The following COLEC10 variants were observed in gnomAD, a reference collection of about 807,000 sequenced individuals.
COLEC10 encodes the protein collectin-10.
In COLEC10, 22 loss-of-function variants were observed where a neutral mutation model predicts 28.4. The ratio of observed to expected loss-of-function variants is 0.78; its 90% CI spans 0.55 to 1.11. COLEC10 has a LOEUF of 1.11. COLEC10 is among the 50% of genes least tolerant of loss of function. The probability of loss-of-function intolerance (pLI) is 0.00; values close to 1 mark genes in which losing one functional copy is unlikely to be tolerated. For synonymous variants in COLEC10, 125 were observed against 116.1 expected, an observed-to-expected ratio of 1.08 and a Z score of -0.49; for missense variants, 361 against 344.1, an observed-to-expected ratio of 1.05 and a Z score of -0.39.
At chr8:119,053,059 G>T (rs1253674036) in intron 2 of COLEC10, among the ~76,000 whole-genome samples, 1 of 152,084 alleles carries the variant, frequency 6.6e-6, no homozygotes, top group East Asian at 1.9e-4. Context: ...ATTCTGATGA[G>T]CAGGAATGCC....
At chr8:119,019,179 C>T (rs1027999850) in intron 2 of COLEC10, among the ~76,000 whole-genome samples, 4 of 152,164 alleles carry the variant, frequency 2.6e-5, no homozygotes, top group Non-Finnish European at 5.9e-5. Context: ...TATGCTTGCA[C>T]ACTGTGACTC....
Position 119,106,237 on chromosome 8 carries a change from C to T in COLEC10, c.*46C>T. 6.5e-7 allele frequency: 1 copy of T among 1,537,094 alleles called. No individual in the cohort carries two copies. Among genetic ancestry groups the T allele is most frequent in the African/African-American group, 1.4e-5 (1 of 72,638 alleles). On this transcript the variant is annotated 3_prime_UTR_variant, in exon 6 of 6. Transcript: ENST00000332843. ...TGCTATTTTCCTGTGACCGTCATTA[C>T]AGTTATTGTTATCCATCCTTTTTTT...
intron 1 of COLEC10, among the ~76,000 whole-genome samples, chr8:119,085,609 T>C (rs1213061937): frequency 1.9e-4 from 20 of 104,024 alleles, no homozygotes; most frequent in Middle Eastern, 5.0e-3. Context: ...CTTTTTTTTT[T>C]TTTTTTTTTT....
At chr8:119,105,299 A>G (rs551491465) in intron 5 of COLEC10, among the ~76,000 whole-genome samples, 3 of 152,148 alleles carry the variant, frequency 2.0e-5, no homozygotes, top group Non-Finnish European at 4.4e-5. Context: ...GGGCAATGGA[A>G]ACTCGGGAGA....
chr8:118,993,337 TG>T (rs1813536039), upstream of COLEC10, among the ~76,000 whole-genome samples: 1 of 152,058 alleles, frequency 6.6e-6, no homozygotes, highest in Non-Finnish European at 1.5e-5. Context: ...TCTTGTTTTT[TG>T]TTTGTTTGTT....
intron 3 of COLEC10, among the ~76,000 whole-genome samples, chr8:119,092,712 C>A (rs183384430): frequency 6.6e-4 from 101 of 152,084 alleles, no homozygotes; most frequent in African/African-American, 2.3e-3. Flanking sequence ...TTGAGACAAG[C>A]CTGGCCAAGA....
chr8:118,980,792 T>C, the COLEC10 span, among the ~76,000 whole-genome samples: 3 of 152,078 alleles, frequency 2.0e-5, no homozygotes, highest in Non-Finnish European at 4.4e-5. Context: ...AGAAGTTTCA[T>C]TTGTAGTTTA....
At chr8:119,056,968 T>C (rs149045457) in intron 2 of COLEC10, among the ~76,000 whole-genome samples, 1 of 152,180 alleles carries the variant, frequency 6.6e-6, no homozygotes, top group East Asian at 1.9e-4. Flanking sequence ...GACTTAAATG[T>C]GCTATTCTGT....
the COLEC10 span, among the ~76,000 whole-genome samples, chr8:118,968,968 G>A: frequency 6.6e-6 from 1 of 150,614 alleles, no homozygotes; most frequent in Non-Finnish European, 1.5e-5. Flanking sequence ...GAAACCGTGA[G>A]TGTGTTAACT....
At chr8:119,021,720 C>T (rs1377860349) in intron 2 of COLEC10, among the ~76,000 whole-genome samples, 1 of 152,124 alleles carries the variant, frequency 6.6e-6, no homozygotes, top group Non-Finnish European at 1.5e-5. Flanking sequence ...TCAACTCCAA[C>T]AAGAAGAAAC....
intron 2 of COLEC10, among the ~76,000 whole-genome samples, chr8:119,021,205 T>C (rs1814085353): frequency 6.6e-6 from 1 of 152,160 alleles, no homozygotes; most frequent in South Asian, 2.1e-4. Flanking sequence ...GTTAGCTCCA[T>C]TTATATTATT....
At chr8:118,973,728 G>C in the COLEC10 span, among the ~76,000 whole-genome samples, 1 of 151,982 alleles carries the variant, frequency 6.6e-6, no homozygotes. Context: ...AGGAATCATT[G>C]AGAAGTTCCT....
the COLEC10 span, among the ~76,000 whole-genome samples, chr8:118,978,782 C>T: frequency 6.6e-6 from 1 of 151,982 alleles, no homozygotes; most frequent in Non-Finnish European, 1.5e-5. Context: ...AATTTACCCT[C>T]CCACCAACAG....
the COLEC10 span, among the ~76,000 whole-genome samples, chr8:118,986,805 G>GT: frequency 5.3e-5 from 8 of 152,244 alleles, no homozygotes; most frequent in East Asian, 7.7e-4. Flanking sequence ...CATACATATT[G>GT]TATGATTCAA....
At chr8:119,069,484 G>A (rs1815045283) in intron 1 of COLEC10, among the ~76,000 whole-genome samples, 1 of 149,418 alleles carries the variant, frequency 6.7e-6, no homozygotes, top group South Asian at 2.1e-4. Context: ...GTGCACACCT[G>A]TAGTCCCAGT....
intron 1 of COLEC10, among the ~76,000 whole-genome samples, chr8:119,004,570 A>G (rs984247707): frequency 2.7e-5 from 4 of 150,690 alleles, no homozygotes; most frequent in Non-Finnish European, 4.4e-5. Context: ...TATATCACCA[A>G]ATATATGCTT....
chr8:118,996,245 T>A (rs1201067796), intron 1 of COLEC10, among the ~76,000 whole-genome samples: 1 of 152,226 alleles, frequency 6.6e-6, no homozygotes, highest in African/African-American at 2.4e-5. Context: ...CCATTGTGTG[T>A]ACATACAACA....
At chr8:119,027,115 A>G (rs1387926513) in intron 2 of COLEC10, among the ~76,000 whole-genome samples, 2 of 152,170 alleles carry the variant, frequency 1.3e-5, no homozygotes, top group African/African-American at 4.8e-5. Context: ...ACAATAGTAT[A>G]TATATATCAC....
At chr8:119,042,992 G>A (rs915747902) in intron 2 of COLEC10, among the ~76,000 whole-genome samples, 3 of 152,142 alleles carry the variant, frequency 2.0e-5, no homozygotes, top group Admixed American at 2.0e-4. Context: ...CTCTGTTTGT[G>A]TTTGTCTCCC....
Sources: allele counts gnomAD v4.1 joint callset (sites outside exome capture counted in the v4.1 genomes callset), GRCh38; gene constraint gnomAD v4.1.1; transcripts MANE v1.5; gene names NCBI Gene and HGNC (gene_info 2026-07-23, HGNC 2026-07-21).